Variants in SLC35F1 observed in about 807,000 individuals in gnomAD.
SLC35F1 encodes the protein solute carrier family 35 member F1.
SLC35F1 carries 14 observed loss-of-function variants against 48.7 expected under a neutral mutation model. The ratio of observed to expected loss-of-function variants is 0.29; its 90% CI spans 0.19 to 0.45. The LOEUF is 0.45. SLC35F1 is among the 20% of genes least tolerant of loss of function. The pLI is 1.00. For missense variants in SLC35F1, 404 were observed against 500.0 expected (o/e 0.81, Z 1.83); for synonymous variants, 190 against 202.2 (o/e 0.94, Z 0.51).
intron 2 of SLC35F1, among the ~76,000 whole-genome samples, chr6:118,176,206 C>T (rs1254714539): frequency 6.6e-6 from 1 of 152,076 alleles, no homozygotes; most frequent in Non-Finnish European, 1.5e-5. Context: ...TAGAGGCACA[C>T]CCCACGCACA....
chr6:118,150,721 C>T (rs766916716), intron 1 of SLC35F1, among the ~76,000 whole-genome samples: 42 of 152,102 alleles, frequency 2.8e-4, no homozygotes, highest in Admixed American at 1.0e-3. Flanking sequence ...TGCAAATAAT[C>T]AAGAATGACC....
intron 1 of SLC35F1, among the ~76,000 whole-genome samples, chr6:117,976,549 A>G (rs1005894356): frequency 6.6e-6 from 1 of 152,154 alleles, no homozygotes; most frequent in Non-Finnish European, 1.5e-5. Flanking sequence ...GCAGTACACA[A>G]GGTAATCATT....
intron 1 of SLC35F1, among the ~76,000 whole-genome samples, chr6:118,134,318 G>T (rs1326627735): frequency 6.6e-6 from 1 of 152,116 alleles, no homozygotes; most frequent in Non-Finnish European, 1.5e-5. Flanking sequence ...TTATCTCATT[G>T]CTTACTATGA....
At chr6:118,031,213 A>G (rs1318830895) in intron 1 of SLC35F1, among the ~76,000 whole-genome samples, 2 of 152,124 alleles carry the variant, frequency 1.3e-5, no homozygotes, top group African/African-American at 2.4e-5. Context: ...TTTTTTTTAA[A>G]GCCTGGTTTC....
intron 1 of SLC35F1, among the ~76,000 whole-genome samples, chr6:118,087,276 C>T (rs1302339029): frequency 6.6e-6 from 1 of 152,014 alleles, no homozygotes; most frequent in Non-Finnish European, 1.5e-5. Context: ...TATGAGGACA[C>T]CCGTCATATT....
chr6:118,282,922 T>C (rs1333875796), intron 6 of SLC35F1, among the ~76,000 whole-genome samples: 1 of 152,216 alleles, frequency 6.6e-6, no homozygotes, highest in Non-Finnish European at 1.5e-5. Flanking sequence ...ACTGGTCCCA[T>C]GCTTTTCTCC....
At chr6:118,105,171 C>T (rs767061320) in intron 1 of SLC35F1, among the ~76,000 whole-genome samples, 1 of 152,168 alleles carries the variant, frequency 6.6e-6, no homozygotes, top group Non-Finnish European at 1.5e-5. Context: ...AGTGAACATG[C>T]CATTCACAGA....
intron 1 of SLC35F1, among the ~76,000 whole-genome samples, chr6:117,931,068 G>C (rs944149275): frequency 1.3e-5 from 2 of 152,024 alleles, no homozygotes; most frequent in African/African-American, 4.8e-5. Context: ...GTAAGCACCT[G>C]GCCCGTGGTT....
chr6:118,184,941 T>G (rs1394349883), intron 2 of SLC35F1, among the ~76,000 whole-genome samples: 1 of 152,110 alleles, frequency 6.6e-6, no homozygotes, highest in African/African-American at 2.4e-5. Context: ...ATGGTCAGGG[T>G]CAGGATTAGT....
At chr6:118,258,715 A>T (rs1775675629) in intron 3 of SLC35F1, among the ~76,000 whole-genome samples, 1 of 152,070 alleles carries the variant, frequency 6.6e-6, no homozygotes, top group Non-Finnish European at 1.5e-5. Flanking sequence ...GGTATATAAC[A>T]TGACCCTAAA....
At chr6:118,218,177 C>T (rs1394174562) in intron 2 of SLC35F1, among the ~76,000 whole-genome samples, 2 of 152,154 alleles carry the variant, frequency 1.3e-5, no homozygotes, top group Non-Finnish European at 2.9e-5. Context: ...GAGAAAGTAT[C>T]AATGGTGTCT....
intron 2 of SLC35F1, among the ~76,000 whole-genome samples, chr6:118,215,969 T>C (rs1775066160): frequency 6.6e-6 from 1 of 152,214 alleles, no homozygotes; most frequent in African/African-American, 2.4e-5. Context: ...GTGTACTTTG[T>C]ATCATAGATT....
chr6:117,979,568 C>A (rs1414902084), intron 1 of SLC35F1, among the ~76,000 whole-genome samples: 2 of 152,160 alleles, frequency 1.3e-5, no homozygotes, highest in African/African-American at 4.8e-5. Flanking sequence ...TAGTAATCAG[C>A]ATACTGGTAT....
intron 7 of SLC35F1, among the ~76,000 whole-genome samples, chr6:118,297,622 T>TTATATAATATA (rs1294028315): frequency 4.1e-5 from 4 of 96,928 alleles, no homozygotes; most frequent in African/African-American, 8.9e-5. Flanking sequence ...TTCTCAGAAC[T>TTATATAATATA]TATATATATA....
intron 2 of SLC35F1, among the ~76,000 whole-genome samples, chr6:118,226,977 A>G (rs1171038859): frequency 7.0e-6 from 1 of 142,714 alleles, no homozygotes; most frequent in Non-Finnish European, 1.6e-5. Context: ...ATATGTATCA[A>G]TCAATAAATA....
intron 1 of SLC35F1, among the ~76,000 whole-genome samples, chr6:117,937,486 C>A (rs1295565070): frequency 6.6e-6 from 1 of 152,106 alleles, no homozygotes; most frequent in Non-Finnish European, 1.5e-5. Flanking sequence ...AACTCCTGCC[C>A]AAATTAAGGC....
intron 1 of SLC35F1, among the ~76,000 whole-genome samples, chr6:118,046,111 C>G (rs1037350562): frequency 6.6e-6 from 1 of 152,190 alleles, no homozygotes; most frequent in Non-Finnish European, 1.5e-5. Flanking sequence ...ATGCAAGGAT[C>G]TAGGGACATT....
At chr6:118,151,826 G>A (rs907103508) in intron 1 of SLC35F1, among the ~76,000 whole-genome samples, 6 of 152,010 alleles carry the variant, frequency 3.9e-5, no homozygotes, top group South Asian at 2.1e-4. Context: ...CTTTAAAATC[G>A]TTTGAGTTAA....
intron 2 of SLC35F1, among the ~76,000 whole-genome samples, chr6:118,188,240 A>G (rs1774685818): frequency 6.6e-6 from 1 of 152,190 alleles, no homozygotes; most frequent in African/African-American, 2.4e-5. Context: ...AAGTTCAGTG[A>G]AAGAAAATCA....
Sources: allele counts gnomAD v4.1 joint callset (sites outside exome capture counted in the v4.1 genomes callset), GRCh38; gene constraint gnomAD v4.1.1; transcripts MANE v1.5; gene names NCBI Gene and HGNC (gene_info 2026-07-23, HGNC 2026-07-21).